The following FRMD6 variants were observed in gnomAD, a reference collection of about 807,000 sequenced individuals.
FRMD6 encodes FERM domain-containing protein 6.
A neutral mutation model predicts 73.2 loss-of-function variants in FRMD6; 37 were observed. The ratio of observed to expected loss-of-function variants is 0.51; its 90% confidence interval spans 0.39 to 0.66. FRMD6 has a LOEUF of 0.66. Ranked by LOEUF, FRMD6 falls within the 30% of genes least tolerant of loss-of-function variation. The pLI is 0.00. For missense variants in FRMD6, 714 were observed against 780.5 expected, an observed-to-expected ratio of 0.91 and a Z score of 1.02; for synonymous variants, 273 against 282.2, an observed-to-expected ratio of 0.97 and a Z score of 0.33.
At chr14:51,548,314 T>C (rs1886591073) in intron 1 of FRMD6, among the ~76,000 whole-genome samples, 5 of 152,192 alleles carry the variant, frequency 3.3e-5, no homozygotes, top group Admixed American at 3.3e-4. Context: ...TTGTCCCCAC[T>C]TTCTTCCTGG....
At chr14:51,465,697 A>G in the FRMD6 span, among the ~76,000 whole-genome samples, 1 of 152,170 alleles carries the variant, frequency 6.6e-6, no homozygotes, top group African/African-American at 2.4e-5. Context: ...TTGTGCAGTC[A>G]CGTGATGATG....
chr14:51,633,753 C>G (rs746127595), intron 2 of FRMD6, among the ~76,000 whole-genome samples: 1 of 151,876 alleles, frequency 6.6e-6, no homozygotes, highest in African/African-American at 2.4e-5. Flanking sequence ...CATGTATACC[C>G]AAATATAAGT....
upstream of FRMD6, among the ~76,000 whole-genome samples, chr14:51,648,035 G>C (rs1418945970): frequency 1.3e-5 from 2 of 152,160 alleles, no homozygotes; most frequent in Non-Finnish European, 2.9e-5. Context: ...ATGTTGGTCA[G>C]GCTGGTCTCG....
intron 1 of FRMD6, among the ~76,000 whole-genome samples, chr14:51,676,695 T>C (rs1361711226): frequency 1.3e-5 from 2 of 152,202 alleles, no homozygotes; most frequent in African/African-American, 4.8e-5. Flanking sequence ...TTGTAATGTC[T>C]GTACATTTTA....
chr14:51,420,338 C>T, the FRMD6 span, among the ~76,000 whole-genome samples: 1,200 of 152,300 alleles, frequency 7.9e-3, 15 homozygotes, highest in African/African-American at 0.027. Flanking sequence ...ACATACAGTA[C>T]TGTCTTCATA....
At chr14:51,458,371 G>A in the FRMD6 span, among the ~76,000 whole-genome samples, 1 of 152,138 alleles carries the variant, frequency 6.6e-6, no homozygotes, top group Non-Finnish European at 1.5e-5. Flanking sequence ...CTGATAGCAT[G>A]TTCACAGCTT....
chr14:51,444,397 C>A, the FRMD6 span, among the ~76,000 whole-genome samples: 4 of 152,140 alleles, frequency 2.6e-5, no homozygotes, highest in African/African-American at 7.2e-5. Flanking sequence ...CATGTGGTTG[C>A]GCTGAGAGTT....
the FRMD6 span, among the ~76,000 whole-genome samples, chr14:51,426,690 A>T: frequency 0.22 from 32,967 of 152,118 alleles, 4,222 homozygotes; most frequent in East Asian, 0.5. Context: ...GGGGAGTGGA[A>T]CAGAGAGTGC....
chr14:51,582,312 T>G (rs577738194), intron 2 of FRMD6, among the ~76,000 whole-genome samples: 5 of 152,264 alleles, frequency 3.3e-5, no homozygotes, highest in African/African-American at 1.2e-4. Context: ...ACCTTGTCCG[T>G]CAGGATAGTC....
intron 1 of FRMD6, among the ~76,000 whole-genome samples, chr14:51,552,254 C>G (rs538736064): frequency 6.6e-5 from 10 of 152,300 alleles, no homozygotes; most frequent in African/African-American, 2.4e-4. Context: ...GTGAACCTGT[C>G]TGTCATAACT....
chr14:51,672,257 G>T (rs1894063290), intron 1 of FRMD6, among the ~76,000 whole-genome samples: 1 of 152,186 alleles, frequency 6.6e-6, no homozygotes, highest in African/African-American at 2.4e-5. Context: ...TGCTTATTAT[G>T]AGAGTCTTTT....
intron 2 of FRMD6, among the ~76,000 whole-genome samples, chr14:51,691,517 A>C (rs1324922665): frequency 6.6e-6 from 1 of 151,210 alleles, no homozygotes; most frequent in Non-Finnish European, 1.5e-5. Context: ...AGAGGAAAAA[A>C]TTGCCTTAGT....
chr14:51,701,199 T>A (rs1017544861), intron 4 of FRMD6, 40 bp downstream of exon 4: 12 of 1,235,036 alleles, frequency 9.7e-6, no homozygotes, highest in East Asian at 2.6e-5. Flanking sequence ...TTGATTTTTT[T>A]TAAAAAATGT....
At chr14:51,412,909 A>G in the FRMD6 span, among the ~76,000 whole-genome samples, 28 of 152,144 alleles carry the variant, frequency 1.8e-4, no homozygotes, top group Non-Finnish European at 3.4e-4. Context: ...CAGAGTAACA[A>G]TCAGATATGC....
At chr14:51,663,588 A>T (rs555274230) in intron 1 of FRMD6, among the ~76,000 whole-genome samples, 1 of 152,264 alleles carries the variant, frequency 6.6e-6, no homozygotes, top group South Asian at 2.1e-4. Flanking sequence ...GGGGACATAC[A>T]CTGGGGCTTA....
At chr14:51,471,463 T>A in the FRMD6 span, among the ~76,000 whole-genome samples, 1 of 149,280 alleles carries the variant, frequency 6.7e-6, no homozygotes, top group Admixed American at 6.7e-5. Context: ...ATAGCGCCAC[T>A]GCACTCCAGC....
the FRMD6 span, among the ~76,000 whole-genome samples, chr14:51,462,543 G>A: frequency 2.0e-5 from 3 of 152,086 alleles, no homozygotes; most frequent in African/African-American, 4.8e-5. Flanking sequence ...AGACCAAATG[G>A]GTAGACCCCA....
chr14:51,612,341 A>T (rs980205046), intron 2 of FRMD6, among the ~76,000 whole-genome samples: 9 of 152,168 alleles, frequency 5.9e-5, no homozygotes, highest in African/African-American at 2.2e-4. Context: ...CCATGAAAAC[A>T]CTCCATCTCT....
At chr14:51,503,648 A>G (rs1234793257) in intron 1 of FRMD6, among the ~76,000 whole-genome samples, 1 of 149,372 alleles carries the variant, frequency 6.7e-6, no homozygotes, top group Admixed American at 6.7e-5. Flanking sequence ...TTTTGCATTG[A>G]TGTTCATCAA....
Sources: allele counts gnomAD v4.1 joint callset (sites outside exome capture counted in the v4.1 genomes callset), GRCh38; gene constraint gnomAD v4.1.1; transcripts MANE v1.5; gene names NCBI Gene and HGNC (gene_info 2026-07-23, HGNC 2026-07-21).